LIN28B: variants seen among roughly 807,000 people sequenced by gnomAD.
LIN28B encodes the protein protein lin-28 homolog B.
Under a neutral mutation model 21.9 loss-of-function variants are expected in LIN28B, and 5 were observed. The ratio of observed to expected loss-of-function variants is 0.23; its 90% CI spans 0.12 to 0.48. The LOEUF (loss-of-function observed/expected upper bound fraction) is 0.48. Ranked by LOEUF, LIN28B falls within the 20% of genes least tolerant of loss-of-function variation. The pLI, the probability that LIN28B is intolerant of heterozygous loss-of-function variation, is 0.98. For synonymous variants in LIN28B, 109 were observed against 111.3 expected (o/e 0.98, Z 0.13); for missense variants, 245 against 310.5 (o/e 0.79, Z 1.58).
At chr6:105,047,910 G>C (rs1771804062) in intron 3 of LIN28B, among the ~76,000 whole-genome samples, 1 of 152,202 alleles carries the variant, frequency 6.6e-6, no homozygotes, top group African/African-American at 2.4e-5. Context: ...GGCTTAAGGA[G>C]ATTTTGGGCT....
At chr6:104,958,376 C>T in intron 2 of LIN28B, 90 bp downstream of exon 2, 1 of 1,051,394 alleles carries the variant, frequency 9.5e-7, no homozygotes, top group East Asian at 2.5e-5. Flanking sequence ...GATAAGATGT[C>T]CTTCGGTATA....
intron 2 of LIN28B, among the ~76,000 whole-genome samples, chr6:105,007,124 C>T (rs1051354912): frequency 9.2e-5 from 14 of 152,118 alleles, no homozygotes; most frequent in Non-Finnish European, 1.8e-4. Context: ...TTGAGAATTG[C>T]CATTCACCCT....
chr6:105,008,541 G>A (rs1412826806), intron 2 of LIN28B, among the ~76,000 whole-genome samples: 2 of 151,874 alleles, frequency 1.3e-5, no homozygotes, highest in Non-Finnish European at 2.9e-5. Context: ...CTACTCGGGA[G>A]GCTGAGGCAG....
chr6:105,039,501 A>G (rs904790838), intron 3 of LIN28B, among the ~76,000 whole-genome samples: 22 of 152,202 alleles, frequency 1.4e-4, no homozygotes, highest in African/African-American at 4.8e-4. Context: ...TATGAAATTT[A>G]CTCCATCTAT....
chr6:105,012,941 T>C (rs1770953882), intron 2 of LIN28B, among the ~76,000 whole-genome samples: 1 of 152,198 alleles, frequency 6.6e-6, no homozygotes, highest in Admixed American at 6.5e-5. Context: ...CAGCAGTATA[T>C]AAGAATTTTA....
chr6:104,956,987 A>T (rs754452356), upstream of LIN28B: 11 of 977,664 alleles, frequency 1.1e-5, no homozygotes, highest in Non-Finnish European at 1.5e-5. Flanking sequence ...GCGATTGGTT[A>T]TCTCTTCCTC....
At chr6:104,952,159 T>G (rs970823751), upstream of LIN28B, among the ~76,000 whole-genome samples, 8 of 152,252 alleles carry the variant, frequency 5.3e-5, no homozygotes, top group Non-Finnish European at 1.2e-4. Context: ...ATACTTTTAT[T>G]CATTGCTTGA....
At chr6:104,942,655 C>G (rs1201635901) in intron 2 of LIN28B, among the ~76,000 whole-genome samples, 1 of 152,128 alleles carries the variant, frequency 6.6e-6, no homozygotes, top group Admixed American at 6.5e-5. Flanking sequence ...AGGGAAGGTT[C>G]TTGCCTGCCA....
intron 2 of LIN28B, among the ~76,000 whole-genome samples, chr6:104,965,611 TC>T (rs1769838583): frequency 6.6e-6 from 1 of 152,218 alleles, no homozygotes; most frequent in Non-Finnish European, 1.5e-5. Flanking sequence ...AGCCTTGACT[TC>T]CTGGGCTCAA....
At chr6:105,061,419 C>A in intron 3 of LIN28B, among the ~76,000 whole-genome samples, 1 of 151,800 alleles carries the variant, frequency 6.6e-6, no homozygotes, top group East Asian at 1.9e-4. Flanking sequence ...TATATTGTAT[C>A]ATTATTGGGC....
At chr6:105,032,065 CATA>C (rs775005587) in intron 3 of LIN28B, among the ~76,000 whole-genome samples, 2 of 152,174 alleles carry the variant, frequency 1.3e-5, no homozygotes, top group Non-Finnish European at 2.9e-5. Context: ...TTTCACTCAG[CATA>C]ATAATCTTTG....
chr6:105,040,559 A>T (rs958827191), intron 3 of LIN28B, among the ~76,000 whole-genome samples: 23 of 152,012 alleles, frequency 1.5e-4, no homozygotes, highest in Non-Finnish European at 2.9e-5. Context: ...ATACACACAA[A>T]TACACATTAT....
At chr6:104,970,306 C>G (rs183586609) in intron 2 of LIN28B, among the ~76,000 whole-genome samples, 125 of 152,228 alleles carry the variant, frequency 8.2e-4, no homozygotes, top group African/African-American at 2.9e-3. Flanking sequence ...CAGGCCCCAC[C>G]CATTAGCTTT....
At chr6:104,943,893 A>G (rs1440382592) in intron 2 of LIN28B, among the ~76,000 whole-genome samples, 1 of 152,196 alleles carries the variant, frequency 6.6e-6, no homozygotes, top group African/African-American at 2.4e-5. Context: ...TATATGAAAT[A>G]CAGAATCTCA....
rs1442813008 is a variant in LIN28B, at chr6:105,028,649, C to A, written c.383+2167C>A. Among the ~76,000 whole-genome samples, 3 of 152,200 alleles carry A rather than the reference C, an allele frequency of 2.0e-5. No homozygotes were observed. The East Asian group carries it at 5.8e-4, about 29-fold the overall frequency. Reference sequence around the variant, plus strand: ...GGGACTATTTATCAAGATGGGGAAACCTACAGAAGGAGCCTGAAATCAAAA... The same window carrying A: ...GGGACTATTTATCAAGATGGGGAAAACTACAGAAGGAGCCTGAAATCAAAA... On this transcript the variant is annotated intron_variant, in intron 3 of 3. Coordinates refer to ENST00000345080, the MANE Select transcript of LIN28B (RefSeq NM_001004317.4).
At chr6:105,040,011 ATTG>A (rs1405076575) in intron 3 of LIN28B, among the ~76,000 whole-genome samples, 1 of 152,082 alleles carries the variant, frequency 6.6e-6, no homozygotes. Flanking sequence ...GATGTTTGCT[ATTG>A]TTTTTCAGTA....
At chr6:104,983,063 C>T (rs539091182) in intron 2 of LIN28B, among the ~76,000 whole-genome samples, 2 of 152,264 alleles carry the variant, frequency 1.3e-5, no homozygotes, top group South Asian at 4.1e-4. Flanking sequence ...CTTCTTCGAC[C>T]TTCCAAAGTG....
At chr6:105,073,542 T>A (rs1407080259) in intron 3 of LIN28B, among the ~76,000 whole-genome samples, 1 of 152,230 alleles carries the variant, frequency 6.6e-6, no homozygotes, top group African/African-American at 2.4e-5. Flanking sequence ...CAACAATTCC[T>A]TCCCCTTCAG....
intron 2 of LIN28B, among the ~76,000 whole-genome samples, chr6:104,985,223 T>C (rs545880280): frequency 1.1e-4 from 16 of 152,350 alleles, no homozygotes; most frequent in African/African-American, 3.8e-4. Context: ...AGCATACACA[T>C]TTATTTAATA....
Sources: allele counts gnomAD v4.1 joint callset (sites outside exome capture counted in the v4.1 genomes callset), GRCh38; gene constraint gnomAD v4.1.1; transcripts MANE v1.5; gene names NCBI Gene and HGNC (gene_info 2026-07-23, HGNC 2026-07-21).